SOCS7: variants seen among roughly 807,000 people sequenced by gnomAD.
SOCS7 encodes the protein suppressor of cytokine signaling 7.
SOCS7 carries 18 observed loss-of-function variants against 58.9 expected under a neutral mutation model. The observed-to-expected ratio is 0.31, with a 90% CI of 0.21 to 0.45. SOCS7 has a LOEUF of 0.45. SOCS7 is among the 20% of genes least tolerant of loss of function. The pLI is 1.00. For synonymous variants in SOCS7, 388 were observed against 364.3 expected (o/e 1.06, Z -0.74); for missense variants, 667 against 837.3 (o/e 0.80, Z 2.51).
Position 38,392,880 on chromosome 17 carries a change from C to T in SOCS7, c.1682-2429C>T, listed in dbSNP as rs117618801. Among the ~76,000 whole-genome samples the T allele has an allele frequency of 1.1e-3, 164 of 152,300 alleles. 3 individuals carry two copies. The East Asian group carries it at 0.027, about 25-fold the overall frequency. On this transcript the variant is annotated intron_variant, in intron 7 of 9. Coordinates refer to ENST00000612932, the MANE Select transcript of SOCS7 (RefSeq NM_014598.4). The stretch of plus-strand genomic sequence containing the variant: ...CTTAGGGCAGGTGTTCAAGGCAGGC[C>T]GGCTTTAGTGGCTCCATGCCACAGC...
intron 7 of SOCS7, among the ~76,000 whole-genome samples, chr17:38,379,445 C>T (rs1211613764): frequency 6.6e-6 from 1 of 152,108 alleles, no homozygotes; most frequent in African/African-American, 2.4e-5. Flanking sequence ...CGCCATTGCA[C>T]TCCAGTCTGG....
intron 6 of SOCS7, among the ~76,000 whole-genome samples, chr17:38,373,496 G>C (rs1036702105): frequency 3.3e-5 from 5 of 152,204 alleles, no homozygotes; most frequent in Admixed American, 1.3e-4. Flanking sequence ...GGAAGGGGTA[G>C]GCTGACTCTC....
intron 7 of SOCS7, among the ~76,000 whole-genome samples, chr17:38,381,388 T>C (rs2037998188): frequency 6.6e-6 from 1 of 152,098 alleles, no homozygotes; most frequent in East Asian, 1.9e-4. Context: ...AGCATTTAGG[T>C]TGAGCTCTGT....
chr17:38,377,863 A>G, intron 7 of SOCS7, 21 bp downstream of exon 7: 1 of 1,605,678 alleles, frequency 6.2e-7, no homozygotes, highest in Non-Finnish European at 8.5e-7. Context: ...ACTTCTGTTA[A>G]TTATTTAACT....
At chr17:38,355,286 A>G (rs755106245) in intron 1 of SOCS7, among the ~76,000 whole-genome samples, 71 of 152,286 alleles carry the variant, frequency 4.7e-4, no homozygotes, top group African/African-American at 1.5e-3. Context: ...CTGTCCTTAT[A>G]AGAGTAGATT....
chr17:38,357,420 AT>A (rs2037654952), intron 1 of SOCS7, among the ~76,000 whole-genome samples: 1 of 152,188 alleles, frequency 6.6e-6, no homozygotes. Flanking sequence ...TTAAAAAAAA[AT>A]CTCTGTCCAT....
chr17:38,368,053 A>G lies in SOCS7; in HGVS notation c.1552+3A>G. 1 of 1,598,496 alleles carries G rather than the reference A, an allele frequency of 6.3e-7. No homozygotes were observed. The highest frequency in any genetic ancestry group is 2.2e-5 in the East Asian group (1 of 44,500). ...CACTAGAATGGAGCACTACAGAGGT[A>G]AGAGATACTGGTAAGAGAGGCTTCT... On this transcript the variant is annotated splice_donor_region_variant and intron_variant, in intron 6 of 9. Coordinates refer to ENST00000612932, the MANE Select transcript of SOCS7 (RefSeq NM_014598.4).
chr17:38,357,236 G>GGGATCTTTTTGAGTAATA (rs1199024001), intron 1 of SOCS7, among the ~76,000 whole-genome samples: 1 of 152,236 alleles, frequency 6.6e-6, no homozygotes, highest in Non-Finnish European at 1.5e-5. Context: ...CAGGTCTAAA[G>GGGATCTTTTTGAGTAATA]GGATCTTTTT....
Position 38,381,274 on chromosome 17 carries a change from C to G in SOCS7, c.1681+3432C>G, listed in dbSNP as rs1006273958. On this transcript the variant is annotated intron_variant, in intron 7 of 9. Coordinates refer to ENST00000612932, the MANE Select transcript of SOCS7 (RefSeq NM_014598.4). The stretch of plus-strand genomic sequence containing the variant: ...AAGGATAGGGCCAAAGAAGACAAAG[C>G]CTTTACCACTGTTTGCTGCCCTCTT... Among the ~76,000 whole-genome samples the G allele has an allele frequency of 2.6e-5, 4 of 152,270 alleles. No homozygotes were observed. The East Asian group carries it at 7.7e-4, about 29-fold the overall frequency.
At chr17:38,396,588 TTATC>T (rs1359764199) in intron 9 of SOCS7, among the ~76,000 whole-genome samples, 1 of 152,240 alleles carries the variant, frequency 6.6e-6, no homozygotes, top group Admixed American at 6.5e-5. Context: ...AGGAATTCAT[TTATC>T]TACGAGGCTC....
chr17:38,382,985 G>A (rs1223620207), intron 7 of SOCS7, among the ~76,000 whole-genome samples: 1 of 151,926 alleles, frequency 6.6e-6, no homozygotes, highest in Non-Finnish European at 1.5e-5. Context: ...TTGCCCACTA[G>A]ATGCCAGGAG....
intron 7 of SOCS7, among the ~76,000 whole-genome samples, chr17:38,386,323 C>CAA (rs548448434): frequency 0.025 from 1,303 of 51,454 alleles, 61 homozygotes; most frequent in African/African-American, 0.074. Context: ...GGCTGTGTCT[C>CAA]AAAAAAAAAA....
At chr17:38,373,057 G>A (rs1450909765) in intron 6 of SOCS7, among the ~76,000 whole-genome samples, 1 of 151,628 alleles carries the variant, frequency 6.6e-6, no homozygotes, top group Non-Finnish European at 1.5e-5. Flanking sequence ...GGTGAGCCAA[G>A]ATCGTGCCAT....
chr17:38,363,945 C>G (rs1376737832), intron 2 of SOCS7, among the ~76,000 whole-genome samples: 2 of 152,096 alleles, frequency 1.3e-5, no homozygotes, highest in African/African-American at 4.8e-5. Flanking sequence ...AATAAAATAC[C>G]TTTCATCCTC....
intron 7 of SOCS7, among the ~76,000 whole-genome samples, chr17:38,392,469 T>G (rs1259834213): frequency 6.6e-6 from 1 of 152,354 alleles, no homozygotes; most frequent in East Asian, 1.9e-4. Context: ...TGCCACAGTT[T>G]AATTTACTAA....
chr17:38,395,644 GTGTCAGCCT>G (rs769987416), intron 8 of SOCS7, among the ~76,000 whole-genome samples, 195 bp from the exon 9 acceptor site: 11 of 152,230 alleles, frequency 7.2e-5, no homozygotes, highest in Non-Finnish European at 1.5e-4. Flanking sequence ...GAAGGTGTGT[GTGTCAGCCT>G]TCCTTCTGCA....
intron 9 of SOCS7, among the ~76,000 whole-genome samples, chr17:38,398,884 A>T (rs1414387035): frequency 6.6e-6 from 1 of 151,924 alleles, no homozygotes; most frequent in African/African-American, 2.4e-5. Context: ...CGAGGTCAGG[A>T]GTTTGAGACC....
chr17:38,352,826 T>A lies in SOCS7; in HGVS notation c.774T>A (p.Pro258=). ...AGCAACCTCCCCCGCCCCCGCCTCC[T>A]CCCGGGCCCCTCCGGCCACTCGCGG... ...QQQQPPPPPP[P]PGPLRPLAGP... Residue 258 remains proline, a synonymous_variant, in exon 1 of 10, where the codon CCT becomes CCA. Coordinates refer to ENST00000612932, the MANE Select transcript of SOCS7 (RefSeq NM_014598.4). The surrounding 1 kb of genome is among the most constrained non-coding windows in gnomAD (Gnocchi z 5.5). 12 of 1,564,160 alleles carry A rather than the reference T, an allele frequency of 7.7e-6. No individual in the cohort carries two copies. The highest frequency in any genetic ancestry group is 9.5e-6 in the Non-Finnish European group (11 of 1,154,806).
Position 38,399,783 on chromosome 17 carries a change from T to G in SOCS7, c.*301T>G, listed in dbSNP as rs1214244206. On this transcript the variant is annotated 3_prime_UTR_variant, in exon 10 of 10. Transcript: ENST00000612932. ...TTTTCAGAAGTTTTGTTTTTGATATTTATATTACTTGGTATGGAAAACTCA... is the reference window on the plus strand; with the variant it reads ...TTTTCAGAAGTTTTGTTTTTGATATGTATATTACTTGGTATGGAAAACTCA... 1 of 152,572 alleles carries G rather than the reference T, an allele frequency of 6.6e-6. No individual in the cohort carries two copies. Among genetic ancestry groups the G allele is most frequent in the Non-Finnish European group, 1.5e-5 (1 of 68,050 alleles). The allele number at this position is 152,572 out of a possible 1,614,324, so 9.5% of individuals were successfully genotyped here. A position where few individuals can be genotyped will look rare whatever the true frequency, so the allele number is the denominator to read the frequency against.
Sources: gnomAD v4.1 joint callset for allele counts (sites outside exome capture counted in the v4.1 genomes callset) on GRCh38, gnomAD v4.1.1 for gene constraint, Gnocchi (gnomAD v3.1) non-coding constraint, MANE v1.5 for transcripts, NCBI Gene and HGNC (gene_info 2026-07-23, HGNC 2026-07-21) for gene names.